The following CNR1 variants were observed in gnomAD, a reference collection of about 807,000 sequenced individuals.
The protein encoded by CNR1 is cannabinoid receptor 1 (brain).
In CNR1, 10 loss-of-function variants were observed where a neutral mutation model predicts 23.0. The ratio of observed to expected loss-of-function variants is 0.43; its 90% CI spans 0.27 to 0.74. CNR1 has a LOEUF of 0.74. Ranked by LOEUF, CNR1 falls within the 30% of genes least tolerant of loss-of-function variation. The pLI is 0.19. For synonymous variants in CNR1, 271 were observed against 255.2 expected (o/e 1.06, Z -0.59); for missense variants, 422 against 618.8 (o/e 0.68, Z 3.37).
chr6:88,161,082 T>C (rs1330617962), intron 1 of CNR1, among the ~76,000 whole-genome samples: 1 of 152,246 alleles, frequency 6.6e-6, no homozygotes, highest in Non-Finnish European at 1.5e-5. Context: ...AAATGTACTT[T>C]TGAAAACATT....
chr6:88,158,694 T>C (rs143021229), intron 1 of CNR1, among the ~76,000 whole-genome samples: 2,041 of 152,268 alleles, frequency 0.013, 23 homozygotes, highest in South Asian at 0.021. Flanking sequence ...TGGAGACATA[T>C]GAAAAGGACT....
At chr6:88,163,967 A>G (rs1010749194) in intron 1 of CNR1, among the ~76,000 whole-genome samples, 1 of 152,230 alleles carries the variant, frequency 6.6e-6, no homozygotes. Flanking sequence ...CACTACTTCA[A>G]TGTGAGACCT....
intron 1 of CNR1, among the ~76,000 whole-genome samples, chr6:88,145,884 G>T (rs1265583966): frequency 6.6e-6 from 1 of 152,208 alleles, no homozygotes; most frequent in Non-Finnish European, 1.5e-5. Flanking sequence ...TGGTCTGTAT[G>T]TTACTTGTAG....
upstream of CNR1, among the ~76,000 whole-genome samples, chr6:88,167,221 G>A (rs1778404022): frequency 6.6e-6 from 1 of 151,566 alleles, no homozygotes; most frequent in South Asian, 2.1e-4. Context: ...CCCACTCCAG[G>A]GCCGGACTGG....
Position 88,161,700 on chromosome 6 carries a change from T to G in CNR1, c.-64+4103A>C, listed in dbSNP as rs551619971. 3.3e-5 allele frequency among the ~76,000 whole-genome samples: 5 copies of G among 152,360 alleles called. No individual in the cohort carries two copies. In the East Asian group the frequency reaches 5.8e-4, roughly 18 times the overall value. ...TTTGACCTCTTATTAGCAATATGTATTAAACATGCCATGTGAGCAAGTTTG... is the reference window on the plus strand; with the variant it reads ...TTTGACCTCTTATTAGCAATATGTAGTAAACATGCCATGTGAGCAAGTTTG... On this transcript the variant is annotated intron_variant, in intron 1 of 1. Transcript: ENST00000369501.
At position 88,141,050 on chromosome 6, in the gene CNR1, A is replaced by G. The variant is rs1776784966; in HGVS notation, c.*2806T>C. The G allele has an allele frequency of 6.6e-6, 1 of 152,326 alleles. No homozygotes were observed. The highest frequency in any genetic ancestry group is 2.4e-5 in the African/African-American group (1 of 41,452). 9.4% of individuals were successfully genotyped at this position (152,326 alleles called of 1,614,324 possible). A position where few individuals can be genotyped will look rare whatever the true frequency, so the allele number is the denominator to read the frequency against. ...GGTAAAATGCATGGTCAGGGCAAGT[A>G]CATCATCCTCAGAGGAAAGTAAGAT... On this transcript the variant is annotated 3_prime_UTR_variant, in exon 2 of 2. Transcript: ENST00000369501.
rs1236580811 is a variant in CNR1, at chr6:88,140,698, C to A, written c.*3158G>T. 1 of 152,314 alleles carries A rather than the reference C, an allele frequency of 6.6e-6. No homozygotes were observed. The highest frequency in any genetic ancestry group is 1.9e-4 in the East Asian group (1 of 5,338). The allele number at this position is 152,314 out of a possible 1,614,324, so 9.4% of individuals were successfully genotyped here. On this transcript the variant is annotated 3_prime_UTR_variant, in exon 2 of 2. Coordinates refer to ENST00000369501, the MANE Select transcript of CNR1 (RefSeq NM_016083.6). ...ACAGGACAGTAACTATAGCGCTACT[C>A]ATCCAGGGCCTAATTCTCATCTGGT...
In CNR1 at chr6:88,141,473, T is replaced by TTCTACCATAACAAGAATTTC. The variant is rs1776813263; in HGVS notation, c.*2363_*2382dup. 6.6e-6 allele frequency: 1 copy of TTCTACCATAACAAGAATTTC among 152,398 alleles called. No individual in the cohort carries two copies. Among genetic ancestry groups the TTCTACCATAACAAGAATTTC allele is most frequent in the Non-Finnish European group, 1.5e-5 (1 of 68,032 alleles). 9.4% of individuals were successfully genotyped at this position (152,398 alleles called of 1,614,324 possible). On this transcript the variant is annotated 3_prime_UTR_variant, in exon 2 of 2. Coordinates refer to ENST00000369501, the MANE Select transcript of CNR1 (RefSeq NM_016083.6). The stretch of plus-strand genomic sequence containing the variant: ...GTTTCAAAAATGAATCGTGAAATTT[T>TTCTACCATAACAAGAATTTC]TCTACCATAACAAGAATTTCTCTAG...
rs181825873 is a variant in CNR1, at chr6:88,142,497, T to G, written c.*1359A>C. 6.6e-6 allele frequency: 1 copy of G among 152,504 alleles called. No individual in the cohort carries two copies. Among genetic ancestry groups the G allele is most frequent in the East Asian group, 1.9e-4 (1 of 5,330 alleles). 9.4% of individuals were successfully genotyped at this position (152,504 alleles called of 1,614,324 possible). ...ACTACAAATACATCCCTTCCTTGGA[T>G]GCCTGTCATTATTTTTTGCTAAGCA... On this transcript the variant is annotated 3_prime_UTR_variant, in exon 2 of 2. Transcript: ENST00000369501.
In CNR1 at chr6:88,145,174, T is replaced by C. The variant is rs201496665; in HGVS notation, c.101A>G (p.Lys34Arg). Reference protein sequence around the residue: ...GSNDIQYEDIKGDMASKLGYF... With the variant: ...GSNDIQYEDIRGDMASKLGYF... ...CCCTAATTTGGATGCCATGTCACCT[T>C]TGATGTCTTCGTACTGAATGTCATT... Residue 34 changes from lysine (K) to arginine (R), a missense_variant, in exon 2 of 2, where the codon AAA becomes AGA. By Grantham distance (26) the Lys-to-Arg change is conservative (BLOSUM62 2). Around this residue, in one of 4 missense-constraint regions of CNR1, gnomAD observed 120 missense variants for 117.6 expected, o/e 1.02. Transcript: ENST00000369501. The C allele has an allele frequency of 2.1e-5, 34 of 1,614,168 alleles. No homozygotes were observed. The East Asian group carries it at 7.1e-4, about 34-fold the overall frequency.
At chr6:88,160,000 C>T (rs868243011) in intron 1 of CNR1, among the ~76,000 whole-genome samples, 1 of 151,536 alleles carries the variant, frequency 6.6e-6, no homozygotes, top group Middle Eastern at 3.4e-3. Context: ...TTTTAAAGAT[C>T]AACCATTATA....
At chr6:88,160,322 ACAT>A (rs1358815218) in intron 1 of CNR1, among the ~76,000 whole-genome samples, 2 of 152,030 alleles carry the variant, frequency 1.3e-5, no homozygotes, top group African/African-American at 2.4e-5. Flanking sequence ...ATAAATAAAA[ACAT>A]CATTTTTAGC....
At chr6:88,147,978 A>G (rs1777297110) in intron 1 of CNR1, among the ~76,000 whole-genome samples, 1 of 152,098 alleles carries the variant, frequency 6.6e-6, no homozygotes, top group African/African-American at 2.4e-5. Flanking sequence ...CCTAAACAGG[A>G]TGGCTTTCTA....
chr6:88,158,730 C>A (rs1777931207), intron 1 of CNR1, among the ~76,000 whole-genome samples: 1 of 152,118 alleles, frequency 6.6e-6, no homozygotes, highest in Admixed American at 6.5e-5. Flanking sequence ...GTAGATTTAA[C>A]CTTTAAGAAG....
rs12720071 is a variant in CNR1 at position 88,141,462 on chromosome 6, T to C, written c.*2394A>G. The C allele has an allele frequency of 0.1, 15,960 of 152,484 alleles. 991 individuals carry two copies. Among genetic ancestry groups the C allele is most frequent in the African/African-American group, 0.17 (7,043 of 41,542 alleles). The allele number at this position is 152,484 out of a possible 1,614,324, so 9.4% of individuals were successfully genotyped here. Reference sequence around the variant, plus strand: ...GCACAAATGCAGTTTCAAAAATGAATCGTGAAATTTTTCTACCATAACAAG... The same window carrying C: ...GCACAAATGCAGTTTCAAAAATGAACCGTGAAATTTTTCTACCATAACAAG... On this transcript the variant is annotated 3_prime_UTR_variant, in exon 2 of 2. Transcript: ENST00000369501.
chr6:88,165,010 G>A (rs1441043502), intron 1 of CNR1, among the ~76,000 whole-genome samples: 5 of 152,184 alleles, frequency 3.3e-5, no homozygotes, highest in African/African-American at 9.7e-5. Context: ...AATAAAAAAA[G>A]ATGGGAGGCA....
chr6:88,148,223 A>G (rs1777312132), intron 1 of CNR1, among the ~76,000 whole-genome samples: 1 of 152,190 alleles, frequency 6.6e-6, no homozygotes, highest in African/African-American at 2.4e-5. Flanking sequence ...ACTTCTTGCC[A>G]TAGCTCCCTG....
Position 88,144,315 on chromosome 6 carries a change from G to A in CNR1, c.960C>T (p.His320=). 1 of 1,612,996 alleles carries A rather than the reference G, an allele frequency of 6.2e-7. No homozygotes were observed. The highest frequency in any genetic ancestry group is 1.1e-5 in the South Asian group (1 of 91,072). The stretch of plus-strand genomic sequence containing the variant: ...CCTGTACCTTCCCATCCTCAGACGT[G>A]TGGATGATGATGCTCTTCTGGGTGC... The part of the protein sequence containing the change: ...QRGTQKSIII[H]TSEDGKVQVT... The change falls in exon 2 of 2, where the codon CAC becomes CAT. Residue 320 remains histidine (H), a synonymous_variant. Coordinates refer to ENST00000369501, the MANE Select transcript of CNR1 (RefSeq NM_016083.6). The surrounding 1 kb of genome is among the most constrained non-coding windows in gnomAD (Gnocchi z 7.8).
At chr6:88,160,435 CTTTTTT>C (rs1220920560) in intron 1 of CNR1, among the ~76,000 whole-genome samples, 1 of 135,178 alleles carries the variant, frequency 7.4e-6, no homozygotes, top group Non-Finnish European at 1.6e-5. Flanking sequence ...TTTTTCTTTT[CTTTTTT>C]TTTTTTTTTT....
Sources: gnomAD v4.1 joint callset for allele counts (sites outside exome capture counted in the v4.1 genomes callset) on GRCh38, gnomAD v4.1.1 for gene constraint, gnomAD v4.1.1 regional missense constraint, Gnocchi (gnomAD v3.1) non-coding constraint, MANE v1.5 for transcripts, NCBI Gene and HGNC (gene_info 2026-07-23, HGNC 2026-07-21) for gene names.